The following AK5 variants were observed in gnomAD, a reference collection of about 807,000 sequenced individuals.
AK5 encodes adenylate kinase isoenzyme 5.
A neutral mutation model predicts 69.5 loss-of-function variants in AK5; 27 were observed. The observed-to-expected ratio is 0.39, with a 90% CI of 0.29 to 0.54. The LOEUF (loss-of-function observed/expected upper bound fraction) is 0.54. AK5 is among the 20% of genes least tolerant of loss of function. The probability of loss-of-function intolerance (pLI) is 0.71; values close to 1 mark genes in which losing one functional copy is unlikely to be tolerated. For synonymous variants in AK5, 260 were observed against 244.4 expected, an observed-to-expected ratio of 1.06 and a Z score of -0.60; for missense variants, 531 against 700.4, an observed-to-expected ratio of 0.76 and a Z score of 2.73.
At chr1:77,539,484 G>A (rs538298542) in intron 13 of AK5, among the ~76,000 whole-genome samples, 5 of 152,222 alleles carry the variant, frequency 3.3e-5, no homozygotes, top group Admixed American at 3.3e-4. Flanking sequence ...CCTGCCCAGG[G>A]CCATCCCCTA....
intron 13 of AK5, among the ~76,000 whole-genome samples, chr1:77,539,211 G>A (rs1430157315): frequency 6.6e-6 from 1 of 152,190 alleles, no homozygotes; most frequent in Non-Finnish European, 1.5e-5. Flanking sequence ...TCGGCCTGTT[G>A]GGCCCAGAAC....
At chr1:77,286,821 T>G in intron 1 of AK5, 120 bp from the exon 2 acceptor site, 1 of 579,594 alleles carries the variant, frequency 1.7e-6, no homozygotes, top group East Asian at 4.0e-5. Flanking sequence ...CACTCCAGCC[T>G]GGGCAGCAGA....
chr1:77,477,964 C>A (rs1404897608), intron 8 of AK5, among the ~76,000 whole-genome samples: 1 of 152,052 alleles, frequency 6.6e-6, no homozygotes, highest in Non-Finnish European at 1.5e-5. Flanking sequence ...TTTTAAAAAC[C>A]AAAACGGTTT....
intron 5 of AK5, among the ~76,000 whole-genome samples, chr1:77,306,047 T>C (rs1659618861): frequency 2.0e-5 from 3 of 152,076 alleles, no homozygotes. Context: ...ATTACAGAGA[T>C]TGTTTGGTTA....
At chr1:77,449,254 G>T (rs1276637969) in intron 8 of AK5, among the ~76,000 whole-genome samples, 1 of 152,226 alleles carries the variant, frequency 6.6e-6, no homozygotes, top group African/African-American at 2.4e-5. Flanking sequence ...AGCCACAGGG[G>T]CAGAGCTGCC....
intron 6 of AK5, among the ~76,000 whole-genome samples, chr1:77,373,425 G>C (rs1647158427): frequency 1.3e-5 from 2 of 152,146 alleles, no homozygotes; most frequent in African/African-American, 4.8e-5. Context: ...GAGTGAATAT[G>C]TGAATTAACA....
intron 8 of AK5, among the ~76,000 whole-genome samples, chr1:77,452,368 CCTT>C (rs1312759557): frequency 6.6e-6 from 1 of 152,150 alleles, no homozygotes; most frequent in Non-Finnish European, 1.5e-5. Context: ...GCAATATTCT[CCTT>C]CTTTCTTATC....
At chr1:77,392,342 C>T (rs1045565446) in intron 6 of AK5, among the ~76,000 whole-genome samples, 24 of 152,150 alleles carry the variant, frequency 1.6e-4, no homozygotes, top group African/African-American at 5.3e-4. Context: ...TTGCTTAGCT[C>T]TTCTTCAGGG....
At chr1:77,524,751 G>A (rs934662488) in intron 12 of AK5, among the ~76,000 whole-genome samples, 1 of 152,078 alleles carries the variant, frequency 6.6e-6, no homozygotes, top group Admixed American at 6.6e-5. Context: ...TTTTGGTGTA[G>A]TCCAATTTAT....
Position 77,286,923 on chromosome 1 carries a change from T to C in AK5, c.61-18T>C. ...GTTTAAAAGATATTTTATTTGTACA[T>C]ATTTTGTTATATTTCAGAGCCTTTT... On this transcript the variant is annotated intron_variant, in intron 1 of 13. Transcript: ENST00000354567. 1 of 1,365,824 alleles carries C rather than the reference T, an allele frequency of 7.3e-7. No homozygotes were observed. Among genetic ancestry groups the C allele is most frequent in the Non-Finnish European group, 9.6e-7 (1 of 1,046,478 alleles). 84.6% of individuals were successfully genotyped at this position (1,365,824 alleles called of 1,614,324 possible). A position where few individuals can be genotyped will look rare whatever the true frequency, so the allele number is the denominator to read the frequency against.
At chr1:77,543,536 T>TTC (rs10673675) in intron 13 of AK5, among the ~76,000 whole-genome samples, 86,048 of 151,296 alleles carry the variant, frequency 0.57, 26,656 homozygotes, top group East Asian at 0.73. Flanking sequence ...TATTTTTTTT[T>TTC]TATTGTTTGT....
intron 6 of AK5, among the ~76,000 whole-genome samples, chr1:77,374,176 C>G (rs1214829898): frequency 6.6e-6 from 1 of 152,162 alleles, no homozygotes; most frequent in Admixed American, 6.5e-5. Flanking sequence ...AAGTTTTAGC[C>G]TCTTAATTTG....
intron 6 of AK5, among the ~76,000 whole-genome samples, chr1:77,385,901 C>G (rs917970714): frequency 6.6e-6 from 1 of 152,100 alleles, no homozygotes. Flanking sequence ...CAAGAAATAG[C>G]AGTCAAATAT....
intron 8 of AK5, among the ~76,000 whole-genome samples, chr1:77,480,247 T>C (rs772159148): frequency 1.4e-4 from 21 of 152,178 alleles, no homozygotes; most frequent in Non-Finnish European, 1.5e-5. Flanking sequence ...CAATCAAACA[T>C]CTCATTCACC....
intron 6 of AK5, among the ~76,000 whole-genome samples, chr1:77,394,289 T>A (rs1222513294): frequency 1.3e-5 from 2 of 152,114 alleles, no homozygotes; most frequent in East Asian, 3.9e-4. Flanking sequence ...TCTTGTCAGA[T>A]AAAGAGTATG....
intron 8 of AK5, among the ~76,000 whole-genome samples, chr1:77,451,693 A>G (rs2100658215): frequency 6.6e-6 from 1 of 152,244 alleles, no homozygotes; most frequent in East Asian, 1.9e-4. Context: ...TCAGTCTCTC[A>G]GGGTTGTACT....
At chr1:77,396,962 G>C (rs76243281) in intron 6 of AK5, among the ~76,000 whole-genome samples, 12,864 of 152,260 alleles carry the variant, frequency 0.084, 729 homozygotes, top group South Asian at 0.17. Context: ...GAGCCCACCT[G>C]TCACATTCCT....
At chr1:77,332,163 C>A (rs1382228732) in intron 5 of AK5, among the ~76,000 whole-genome samples, 2 of 151,978 alleles carry the variant, frequency 1.3e-5, no homozygotes, top group African/African-American at 4.8e-5. Flanking sequence ...TTCTTAATAT[C>A]CTCTTTTAGT....
At chr1:77,298,031 T>G (rs1477059324) in intron 5 of AK5, 84 bp downstream of exon 5, 1 of 936,690 alleles carries the variant, frequency 1.1e-6, no homozygotes, top group East Asian at 2.6e-5. Context: ...CTTGGAAGAC[T>G]TGCGATGCTT....
Sources: gnomAD v4.1 joint callset for allele counts (sites outside exome capture counted in the v4.1 genomes callset) on GRCh38, gnomAD v4.1.1 for gene constraint, MANE v1.5 for transcripts, NCBI Gene and HGNC (gene_info 2026-07-23, HGNC 2026-07-21) for gene names.